The following USP32 variants were observed in gnomAD, a reference collection of about 807,000 sequenced individuals.
USP32 encodes ubiquitin specific peptidase 32.
USP32 carries 59 observed loss-of-function variants against 204.8 expected under a neutral mutation model. The observed-to-expected ratio is 0.29, with a 90% CI of 0.23 to 0.36. USP32 has a LOEUF of 0.36. Among genes scored for constraint, USP32 ranks in the 10% least tolerant of loss-of-function variants. The pLI is 1.00. For synonymous variants in USP32, 517 were observed against 678.4 expected (o/e 0.76, Z 3.70); for missense variants, 1,160 against 1,946.4 (o/e 0.60, Z 7.60).
At chr17:60,194,676 G>A (rs1202660920) in intron 27 of USP32, among the ~76,000 whole-genome samples, 1 of 152,058 alleles carries the variant, frequency 6.6e-6, no homozygotes, top group African/African-American at 2.4e-5. Flanking sequence ...CACCCCATAT[G>A]TAAACCCTCT....
chr17:60,303,920 C>G (rs1421881112), intron 2 of USP32, among the ~76,000 whole-genome samples: 1 of 151,972 alleles, frequency 6.6e-6, no homozygotes, highest in African/African-American at 2.4e-5. Context: ...AACCCAAGAG[C>G]TGTGAGATCA....
In USP32 at chr17:60,203,561, T is replaced by C. The variant is rs34537702; in HGVS notation, c.3249+1886A>G. ...AATCAATTTACTTGATCTAGAAGCC[T>C]TGCTTTCCTTTATTTTATTTATTTA... On this transcript the variant is annotated intron_variant, in intron 26 of 33. Transcript: ENST00000300896. Among the ~76,000 whole-genome samples the C allele has an allele frequency of 3.6e-3, 544 of 152,150 alleles. 1 individual carries two copies. Among genetic ancestry groups the C allele is most frequent in the African/African-American group, 0.012 (508 of 41,522 alleles).
chr17:60,247,818 G>C (rs1265916593), intron 11 of USP32, among the ~76,000 whole-genome samples: 1 of 152,070 alleles, frequency 6.6e-6, no homozygotes, highest in Non-Finnish European at 1.5e-5. Context: ...TGAGTAGCTG[G>C]GACTACAGGC....
chr17:60,234,085 G>C (rs946551619), intron 12 of USP32, among the ~76,000 whole-genome samples: 1 of 151,790 alleles, frequency 6.6e-6, no homozygotes, highest in African/African-American at 2.4e-5. Flanking sequence ...AAGTAGCTGG[G>C]ACTACAGGCG....
intron 5 of USP32, among the ~76,000 whole-genome samples, chr17:60,286,566 G>A (rs2087119177): frequency 6.6e-6 from 1 of 152,204 alleles, no homozygotes; most frequent in African/African-American, 2.4e-5. Context: ...AGGGGTCCCT[G>A]CATGCATGGA....
intron 1 of USP32, among the ~76,000 whole-genome samples, chr17:60,365,142 T>C (rs1006128363): frequency 2.6e-5 from 4 of 152,192 alleles, no homozygotes; most frequent in Admixed American, 6.5e-5. Flanking sequence ...AACTAAGCTC[T>C]ATTCAGTTAA....
At chr17:60,246,308 G>A (rs868075566) in intron 11 of USP32, among the ~76,000 whole-genome samples, 14 of 152,070 alleles carry the variant, frequency 9.2e-5, no homozygotes, top group Middle Eastern at 3.4e-3. Context: ...CTCACTTAAC[G>A]TAATGACCTC....
At position 60,238,804 on chromosome 17, in the gene USP32, A is replaced by AAAT. The variant is rs375661575; in HGVS notation, c.1137-2565_1137-2564insATT. Among the ~76,000 whole-genome samples, 4 of 109,670 alleles carry AAAT rather than the reference A, an allele frequency of 3.6e-5. No homozygotes were observed. In the East Asian group the frequency reaches 1.1e-3, roughly 29 times the overall value. 71.9% of individuals were successfully genotyped at this position (109,670 alleles called of 152,430 possible). On this transcript the variant is annotated intron_variant, in intron 11 of 33. Transcript: ENST00000300896. ...GGGCAACAGAGCGAGACTCCATCTCAAAAAAAAAAAAAAAAAAATTAGCTG... is the reference window on the plus strand; with the variant it reads ...GGGCAACAGAGCGAGACTCCATCTCAAATAAAAAAAAAAAAAAAAAATTAGCTG...
intron 1 of USP32, among the ~76,000 whole-genome samples, chr17:60,364,007 C>A (rs913621678): frequency 3.9e-5 from 6 of 152,136 alleles, no homozygotes; most frequent in Non-Finnish European, 8.8e-5. Context: ...TCTGTTCAGG[C>A]TGCTACAACA....
intron 12 of USP32, among the ~76,000 whole-genome samples, chr17:60,228,550 C>T (rs1446016319): frequency 7.2e-6 from 1 of 139,108 alleles, no homozygotes; most frequent in East Asian, 2.1e-4. Flanking sequence ...GGGATGGTGG[C>T]TCATGTCTGT....
intron 30 of USP32, among the ~76,000 whole-genome samples, chr17:60,184,024 C>A (rs979209855): frequency 6.6e-6 from 1 of 152,084 alleles, no homozygotes; most frequent in Admixed American, 6.6e-5. Context: ...CAGTGGCTCA[C>A]GCCTATAAAC....
At chr17:60,341,274 T>A (rs2088652118) in intron 2 of USP32, among the ~76,000 whole-genome samples, 1 of 152,154 alleles carries the variant, frequency 6.6e-6, no homozygotes, top group Non-Finnish European at 1.5e-5. Flanking sequence ...TCCAGCTTGG[T>A]TCCATTCTCC....
At chr17:60,277,701 T>A (rs1178987451) in intron 5 of USP32, among the ~76,000 whole-genome samples, 1 of 152,164 alleles carries the variant, frequency 6.6e-6, no homozygotes, top group Non-Finnish European at 1.5e-5. Context: ...TCACCAAAAT[T>A]AGAATTTTAA....
At chr17:60,349,627 TATATATATATATATATTA>T (rs2088894756) in intron 1 of USP32, among the ~76,000 whole-genome samples, 2 of 63,494 alleles carry the variant, frequency 3.1e-5, no homozygotes, top group Admixed American at 1.5e-4. Flanking sequence ...ATATATATTA[TATATATATATATATATTA>T]TATATATACA....
chr17:60,211,972 A>G, intron 19 of USP32, 52 bp downstream of exon 19: 2 of 1,443,616 alleles, frequency 1.4e-6, no homozygotes, highest in African/African-American at 1.5e-5. Flanking sequence ...GAGAAGAAAA[A>G]AAAAGAATAC....
chr17:60,402,200 G>A (rs73322690), intron 1 of USP32, among the ~76,000 whole-genome samples: 5,204 of 151,304 alleles, frequency 0.034, 298 homozygotes, highest in African/African-American at 0.12. Context: ...AAGCCTGGTA[G>A]GGGAACAGTA....
chr17:60,268,460 C>T (rs2086650062), intron 7 of USP32, among the ~76,000 whole-genome samples: 1 of 150,472 alleles, frequency 6.6e-6, no homozygotes, highest in Non-Finnish European at 1.5e-5. Flanking sequence ...GTAGTCCCAG[C>T]TACCTAGGAG....
rs2090114052 is a variant in USP32 at position 60,421,537 on chromosome 17, C to T, written c.106+709G>A. 5.1e-6 allele frequency: 5 copies of T among 985,352 alleles called. No homozygotes were observed. The South Asian group carries it at 1.9e-4, about 37-fold the overall frequency. The allele number at this position is 985,352 out of a possible 1,614,324, so 61.0% of individuals were successfully genotyped here. ...GGCCCAGAGGACACGAAGGAAGGTC[C>T]GGGAGAAGGAATTCCTAGTTTCAGG... On this transcript the variant is annotated intron_variant, in intron 1 of 3. Coordinates refer to the USP32 transcript ENST00000588898.
Position 60,288,580 on chromosome 17 carries a change from G to C in USP32, c.514C>G (p.Leu172Val). The C allele has an allele frequency of 6.2e-7, 1 of 1,613,312 alleles. No individual in the cohort carries two copies. Among genetic ancestry groups the C allele is most frequent in the Non-Finnish European group, 8.5e-7 (1 of 1,179,716 alleles). The change falls in exon 5 of 34, where the codon CTC becomes GTC. Residue 172 changes from leucine to valine, a missense_variant. Coordinates refer to ENST00000300896, the MANE Select transcript of USP32 (RefSeq NM_032582.4). ...WLLSGGVYVT[L>V]TDDSDTPTFY... ...GTAGGAGTATCACTATCATCAGTGAGGGTAACATACACACCTCCAGATAGA... is the reference window on the plus strand; with the variant it reads ...GTAGGAGTATCACTATCATCAGTGACGGTAACATACACACCTCCAGATAGA...
Sources: gnomAD v4.1 joint callset for allele counts (sites outside exome capture counted in the v4.1 genomes callset) on GRCh38, gnomAD v4.1.1 for gene constraint, MANE v1.5 for transcripts, NCBI Gene and HGNC (gene_info 2026-07-23, HGNC 2026-07-21) for gene names.